Variants in PRCC observed in about 807,000 individuals in gnomAD.
PRCC encodes the protein proline-rich protein PRCC.
In PRCC, 10 loss-of-function variants were observed where a neutral mutation model predicts 44.0. That is an observed-to-expected ratio of 0.23 (90% confidence interval 0.14 to 0.39). The LOEUF is 0.39. Ranked by LOEUF, PRCC falls within the 10% of genes least tolerant of loss-of-function variation. The probability of loss-of-function intolerance (pLI) is 1.00; values close to 1 mark genes in which losing one functional copy is unlikely to be tolerated. For synonymous variants in PRCC, 278 were observed against 259.5 expected, an observed-to-expected ratio of 1.07 and a Z score of -0.69; for missense variants, 573 against 624.7, an observed-to-expected ratio of 0.92 and a Z score of 0.88.
At chr1:156,797,545 A>G (rs551325159) in intron 6 of PRCC, among the ~76,000 whole-genome samples, 1 of 152,362 alleles carries the variant, frequency 6.6e-6, no homozygotes, top group South Asian at 2.1e-4. Flanking sequence ...CAATGCAGAT[A>G]AGATTCAGGT....
At chr1:156,773,502 G>T (rs918806436) in intron 1 of PRCC, among the ~76,000 whole-genome samples, 2 of 152,174 alleles carry the variant, frequency 1.3e-5, no homozygotes, top group African/African-American at 4.8e-5. Flanking sequence ...AGACTCAACA[G>T]TTTGTGCCTC....
chr1:156,784,585 G>T (rs1408969571), intron 2 of PRCC, among the ~76,000 whole-genome samples: 1 of 152,168 alleles, frequency 6.6e-6, no homozygotes, highest in Non-Finnish European at 1.5e-5. Flanking sequence ...ATGAACCGGA[G>T]CCTCTGGGCG....
rs1256963104 is a variant in PRCC, at chr1:156,787,446, GATTGATATATATATATATATATATATAT to G, written c.1083+275_1083+302del. ...ATCCATAATATTTGTACATATTTGT[GATTGATATATATATATATATATATATAT>G]ATATATATATATATATATATATATC... On this transcript the variant is annotated intron_variant, in intron 3 of 6. Transcript: ENST00000271526. 2.1e-4 allele frequency among the ~76,000 whole-genome samples: 23 copies of G among 111,764 alleles called. 1 individual carries two copies. Among genetic ancestry groups the G allele is most frequent in the African/African-American group, 6.2e-4 (16 of 25,934 alleles). The allele number at this position is 111,764 out of a possible 152,430, so 73.3% of individuals were successfully genotyped here. A position where few individuals can be genotyped will look rare whatever the true frequency, so the allele number is the denominator to read the frequency against.
intron 3 of PRCC, 131 bp from the exon 4 acceptor site, chr1:156,791,566 T>G: frequency 2.6e-6 from 2 of 771,202 alleles, no homozygotes; most frequent in Non-Finnish European, 4.1e-6. Context: ...CTGGTCTGTT[T>G]GAGGAAGCTG....
chr1:156,780,265 T>C (rs887321164), intron 1 of PRCC, among the ~76,000 whole-genome samples: 1 of 151,626 alleles, frequency 6.6e-6, no homozygotes, highest in Non-Finnish European at 1.5e-5. Flanking sequence ...TACCATGTTG[T>C]CTGGGCTGGT....
At chr1:156,768,713 A>G (rs1270210263) in intron 1 of PRCC, among the ~76,000 whole-genome samples, 2 of 152,138 alleles carry the variant, frequency 1.3e-5, no homozygotes, top group Non-Finnish European at 2.9e-5. Context: ...CTTGGTTTCT[A>G]TTTTTGAGGG....
In PRCC at chr1:156,767,874, T is replaced by C. The variant is rs765211933; in HGVS notation, c.103T>C (p.Leu35=). 1 of 1,606,602 alleles carries C rather than the reference T, an allele frequency of 6.2e-7. No homozygotes were observed. The highest frequency in any genetic ancestry group is 8.5e-7 in the Non-Finnish European group (1 of 1,177,462). Residue 35 remains leucine (L), a synonymous_variant, in exon 1 of 7, where the codon TTA becomes CTA. Transcript: ENST00000271526. The part of the protein sequence containing the change: ...EAVAPTSGPA[L]GGLFASLPAP... Reference sequence around the variant, plus strand: ...GGTGGCTCCTACATCTGGGCCCGCTTTAGGGGGCTTGTTCGCTTCTCTCCC... The same window carrying C: ...GGTGGCTCCTACATCTGGGCCCGCTCTAGGGGGCTTGTTCGCTTCTCTCCC...
intron 1 of PRCC, among the ~76,000 whole-genome samples, chr1:156,778,913 C>T (rs12124762): frequency 0.2 from 29,418 of 150,206 alleles, 3,377 homozygotes; most frequent in Non-Finnish European, 0.26. Flanking sequence ...GATTCTCCTA[C>T]CTTAGCCTCC....
intron 1 of PRCC, among the ~76,000 whole-genome samples, chr1:156,775,449 C>G (rs1036819620): frequency 6.6e-6 from 1 of 151,508 alleles, no homozygotes; most frequent in African/African-American, 2.4e-5. Flanking sequence ...CTCCTTGGCT[C>G]AAGCAATCCT....
At chr1:156,768,335 G>C in intron 1 of PRCC, 96 bp downstream of exon 1, 1 of 1,282,728 alleles carries the variant, frequency 7.8e-7, no homozygotes, top group Non-Finnish European at 1.1e-6. Flanking sequence ...TCCTACAAAC[G>C]CATCCGTGGA....
At chr1:156,771,216 G>A (rs963477276) in intron 1 of PRCC, among the ~76,000 whole-genome samples, 1 of 152,226 alleles carries the variant, frequency 6.6e-6, no homozygotes, top group African/African-American at 2.4e-5. Context: ...GTAAAGCACA[G>A]TGGCTGGAGC....
At chr1:156,770,683 CTT>C (rs1651601631) in intron 1 of PRCC, among the ~76,000 whole-genome samples, 1 of 152,226 alleles carries the variant, frequency 6.6e-6, no homozygotes, top group African/African-American at 2.4e-5. Context: ...CAACCATTGT[CTT>C]TAAAAGAGCT....
Position 156,800,605 on chromosome 1 carries a change from T to G in PRCC, c.*145T>G, listed in dbSNP as rs1652803606. ...TCGCCTCTGCGAGAATGAACATATT[T>G]GATAGATTTTTCTTAACAAGTTAGA... On this transcript the variant is annotated 3_prime_UTR_variant, in exon 7 of 7. Coordinates refer to ENST00000271526, the MANE Select transcript of PRCC (RefSeq NM_005973.5). The G allele has an allele frequency of 2.7e-6, 2 of 745,672 alleles. No homozygotes were observed. Among genetic ancestry groups the G allele is most frequent in the Non-Finnish European group, 4.4e-6 (2 of 453,590 alleles). The allele number at this position is 745,672 out of a possible 1,614,324, so 46.2% of individuals were successfully genotyped here.
At chr1:156,791,470 A>G (rs909399956) in intron 3 of PRCC, 23 of 560,734 alleles carry the variant, frequency 4.1e-5, no homozygotes, top group African/African-American at 3.4e-4. Flanking sequence ...CCTAAAAAAT[A>G]TCCATCTGTC....
chr1:156,792,053 C>CTTTTTTTTTTTT lies in PRCC; in HGVS notation c.1179+278_1179+289dup, dbSNP rs67388360. On this transcript the variant is annotated intron_variant, in intron 4 of 6. Transcript: ENST00000271526. ...ACAGAGTCAGGGATCTAGTCCCCTT[C>CTTTTTTTTTTTT]TTTTTTTTTTTTTTTTTTTTTTTTT... Among the ~76,000 whole-genome samples the CTTTTTTTTTTTT allele has an allele frequency of 6.9e-3, 404 of 58,454 alleles. 56 individuals are homozygous for CTTTTTTTTTTTT. The highest frequency in any genetic ancestry group is 0.023 in the Middle Eastern group (1 of 44). 38.3% of individuals were successfully genotyped at this position (58,454 alleles called of 152,430 possible).
intron 3 of PRCC, among the ~76,000 whole-genome samples, chr1:156,787,474 TATATATATATATATATATATATATC>T: frequency 4.7e-5 from 1 of 21,282 alleles, no homozygotes; most frequent in Non-Finnish European, 1.2e-4. Flanking sequence ...TATATATATA[TATATATATATATATATATATATATC>T]TGTTTTTTTT....
At chr1:156,774,426 G>A (rs1226546022) in intron 1 of PRCC, among the ~76,000 whole-genome samples, 2 of 151,370 alleles carry the variant, frequency 1.3e-5, no homozygotes, top group African/African-American at 2.4e-5. Flanking sequence ...GCCCGTCTCG[G>A]GCTCCCAAAG....
intron 3 of PRCC, among the ~76,000 whole-genome samples, chr1:156,789,560 T>C (rs1022475332): frequency 6.6e-6 from 1 of 151,314 alleles, no homozygotes; most frequent in Middle Eastern, 3.4e-3. Context: ...GAAGGGAGAG[T>C]TGGGGCCAAG....
In PRCC at chr1:156,767,597, G is replaced by A; in HGVS notation, c.-175G>A. On this transcript the variant is annotated 5_prime_UTR_variant, in exon 1 of 7. Transcript: ENST00000271526. Reference sequence around the variant, plus strand: ...TTAAGTGAAGAGGTACGCCTTGTTCGGTGGAAATCAGCCGTAGCCATGAGT... The same window carrying A: ...TTAAGTGAAGAGGTACGCCTTGTTCAGTGGAAATCAGCCGTAGCCATGAGT... The A allele has an allele frequency of 3.1e-6, 2 of 648,508 alleles. No individual in the cohort carries two copies. The highest frequency in any genetic ancestry group is 5.2e-6 in the Non-Finnish European group (2 of 381,300). The allele number at this position is 648,508 out of a possible 1,614,324, so 40.2% of individuals were successfully genotyped here.
Sources: allele counts gnomAD v4.1 joint callset (sites outside exome capture counted in the v4.1 genomes callset), GRCh38; gene constraint gnomAD v4.1.1; transcripts MANE v1.5; gene names NCBI Gene and HGNC (gene_info 2026-07-23, HGNC 2026-07-21).